Variants in MMP20 observed in about 807,000 individuals in gnomAD.
MMP20 encodes matrix metalloproteinase-20.
In MMP20, 50 loss-of-function variants were observed where a neutral mutation model predicts 51.8. That is an observed-to-expected ratio of 0.97 (90% CI 0.77 to 1.22). The LOEUF is 1.22. Ranked by LOEUF, MMP20 falls within the 50% of genes most tolerant of loss-of-function variation. The probability of loss-of-function intolerance (pLI) is 0.00; values close to 1 mark genes in which losing one functional copy is unlikely to be tolerated. For synonymous variants in MMP20, 244 were observed against 216.2 expected, an observed-to-expected ratio of 1.13 and a Z score of -1.13; for missense variants, 663 against 601.4, an observed-to-expected ratio of 1.10 and a Z score of -1.07.
Position 102,598,687 on chromosome 11 carries a change from C to T in MMP20, c.954-3930G>A, listed in dbSNP as rs1048288227. Among the ~76,000 whole-genome samples the T allele has an allele frequency of 2.0e-5, 3 of 152,206 alleles. 1 individual carries two copies. Among genetic ancestry groups the T allele is most frequent in the African/African-American group, 7.2e-5 (3 of 41,450 alleles). ...CAGCTCTTTGCTAGTTCCTTGAATT[C>T]CTCCTCCAGCATCATGTATTATTCA... On this transcript the variant is annotated intron_variant, in intron 6 of 9. Coordinates refer to ENST00000260228, the MANE Select transcript of MMP20 (RefSeq NM_004771.4).
chr11:102,595,869 G>C (rs1021769774), intron 6 of MMP20, among the ~76,000 whole-genome samples: 22 of 152,152 alleles, frequency 1.4e-4, no homozygotes, highest in African/African-American at 5.3e-4. Context: ...CTTCTTAGGA[G>C]CCCAGAATTA....
chr11:102,593,773 C>T (rs937121130), intron 7 of MMP20, among the ~76,000 whole-genome samples, 178 bp from the exon 8 acceptor site: 2 of 152,124 alleles, frequency 1.3e-5, no homozygotes, highest in African/African-American at 4.8e-5. Context: ...CTTCAAACTT[C>T]CCTGGAGGCA....
intron 6 of MMP20, among the ~76,000 whole-genome samples, chr11:102,595,437 C>G (rs1466225661): frequency 6.6e-6 from 1 of 152,154 alleles, no homozygotes. Flanking sequence ...TCACTTGATA[C>G]AAATTTCTCT....
chr11:102,592,272 T>C (rs1859326510), intron 8 of MMP20, among the ~76,000 whole-genome samples: 1 of 152,158 alleles, frequency 6.6e-6, no homozygotes, highest in African/African-American at 2.4e-5. Context: ...GAGAGAAAAA[T>C]AGCTGGCCTA....
Position 102,609,942 on chromosome 11 carries a change from A to T in MMP20, c.612T>A (p.His204Gln). Residue 204 changes from histidine (H) to glutamine (Q), a missense_variant, in exon 4 of 10, where the codon CAT becomes CAA. His to Gln is a conservative substitution (Grantham distance 24, BLOSUM62 0). Transcript: ENST00000260228. ...TAGTCCACTTCTCAGCATTGTCGAAATGTGTATCTCCTCCCAGGCCTTCTC... is the reference window on the plus strand; with the variant it reads ...TAGTCCACTTCTCAGCATTGTCGAATTGTGTATCTCCTCCCAGGCCTTCTC... ...APGEGLGGDT[H>Q]FDNAEKWTMG... is the part of the protein sequence containing the mutation. The T allele has an allele frequency of 6.2e-7, 1 of 1,614,160 alleles. No homozygotes were observed. The highest frequency in any genetic ancestry group is 8.5e-7 in the Non-Finnish European group (1 of 1,180,024).
At position 102,606,535 on chromosome 11, in the gene MMP20, C is replaced by A. The variant is rs778278609; in HGVS notation, c.953G>T (p.Arg318Leu). 4.3e-6 allele frequency: 7 copies of A among 1,613,672 alleles called. No individual in the cohort carries two copies. The South Asian group carries it at 5.5e-5, about 13-fold the overall frequency. Reference sequence around the variant, plus strand: ...AGTCGGTGGCGTGTCTGAGGCTTACCGGTCCTTGAAGAGCAGGAGCTCCTT... The same window carrying A: ...AGTCGGTGGCGTGTCTGAGGCTTACAGGTCCTTGAAGAGCAGGAGCTCCTT... Reference protein sequence around the residue: ...LGKELLLFKDRIFWRRQVHLR... With the variant: ...LGKELLLFKDLIFWRRQVHLR... Residue 318 changes from arginine (R) to leucine (L), a missense_variant and splice_region_variant, in exon 6 of 10, where the codon CGG (arginine) becomes CTG (leucine). Physicochemically the swap from Arg to Leu is moderately radical, Grantham distance 102. Coordinates refer to ENST00000260228, the MANE Select transcript of MMP20 (RefSeq NM_004771.4).
Position 102,618,868 on chromosome 11 carries a change from T to C in MMP20, c.127-1809A>G, listed in dbSNP as rs1046847063. Among the ~76,000 whole-genome samples the C allele has an allele frequency of 7.9e-5, 12 of 152,144 alleles. No individual in the cohort carries two copies. The South Asian group carries it at 1.0e-3, about 13-fold the overall frequency. Reference sequence around the variant, plus strand: ...AATAAAAAGGAGTAAGTATCACTCATGTTTGGAGAGGGTACGCTATTTTTT... The same window carrying C: ...AATAAAAAGGAGTAAGTATCACTCACGTTTGGAGAGGGTACGCTATTTTTT... On this transcript the variant is annotated intron_variant, in intron 1 of 9. Transcript: ENST00000260228.
chr11:102,606,164 A>T (rs117868039), intron 6 of MMP20, among the ~76,000 whole-genome samples: 8 of 152,352 alleles, frequency 5.3e-5, no homozygotes, highest in Non-Finnish European at 1.2e-4. Flanking sequence ...TGGACATCAG[A>T]TCAATTCAGG....
intron 8 of MMP20, among the ~76,000 whole-genome samples, chr11:102,586,565 G>T (rs991792489): frequency 2.4e-4 from 36 of 152,032 alleles, no homozygotes; most frequent in Non-Finnish European, 2.2e-4. Context: ...TGTAATCCCA[G>T]CATTTTGTGA....
intron 9 of MMP20, among the ~76,000 whole-genome samples, chr11:102,578,292 T>C (rs1859150182): frequency 1.3e-5 from 2 of 149,498 alleles, no homozygotes; most frequent in Admixed American, 1.3e-4. Context: ...TACAGGTGTG[T>C]GCCATCATTC....
chr11:102,619,929 A>T (rs911787337), intron 1 of MMP20, among the ~76,000 whole-genome samples: 2 of 152,220 alleles, frequency 1.3e-5, no homozygotes, highest in Non-Finnish European at 2.9e-5. Context: ...AGTAAAAATA[A>T]AATTAGAAAC....
chr11:102,621,940 A>G (rs1199388681), intron 1 of MMP20, among the ~76,000 whole-genome samples: 2 of 152,240 alleles, frequency 1.3e-5, no homozygotes, highest in African/African-American at 2.4e-5. Flanking sequence ...ATAATGTGGT[A>G]GTTAAAATTT....
At chr11:102,581,891 G>T (rs1859199914) in intron 8 of MMP20, among the ~76,000 whole-genome samples, 1 of 152,144 alleles carries the variant, frequency 6.6e-6, no homozygotes, top group South Asian at 2.1e-4. Context: ...TTTTTATTGA[G>T]AATCAACTAT....
rs150176497 is a variant in MMP20 at position 102,616,515 on chromosome 11, G to A, written c.374+297C>T. ...TAAGCAGGTTGTTTTAAGAAAACTG[G>A]TTTGTACTGCCAGGTCATTAATCCT... is the stretch of plus-strand genomic sequence containing the variant. On this transcript the variant is annotated intron_variant, in intron 2 of 9. Transcript: ENST00000260228. Among the ~76,000 whole-genome samples, 161 of 152,236 alleles carry A rather than the reference G, an allele frequency of 1.1e-3. 4 individuals carry two copies. In the East Asian group the frequency reaches 0.023, roughly 22 times the overall value.
chr11:102,622,992 C>T (rs1267286071), intron 1 of MMP20, among the ~76,000 whole-genome samples: 1 of 152,166 alleles, frequency 6.6e-6, no homozygotes. Flanking sequence ...CTGCCCAGAG[C>T]TGAGGACCAG....
chr11:102,619,886 T>C (rs1457271899), intron 1 of MMP20, among the ~76,000 whole-genome samples: 3 of 152,184 alleles, frequency 2.0e-5, no homozygotes, highest in Non-Finnish European at 2.9e-5. Flanking sequence ...TGGCTGGTCA[T>C]ATAGGCAGGA....
chr11:102,598,655 C>T (rs1859411093), intron 6 of MMP20, among the ~76,000 whole-genome samples: 1 of 152,220 alleles, frequency 6.6e-6, no homozygotes, highest in South Asian at 2.1e-4. Flanking sequence ...TTTCACCTGG[C>T]CTCTTGCAGC....
At position 102,583,262 on chromosome 11, in the gene MMP20, C is replaced by T. The variant is rs116086265; in HGVS notation, c.1248-4120G>A. Among the ~76,000 whole-genome samples, 985 of 152,268 alleles carry T rather than the reference C, an allele frequency of 6.5e-3. 11 individuals carry two copies. Among genetic ancestry groups the T allele is most frequent in the African/African-American group, 0.023 (945 of 41,556 alleles). Reference sequence around the variant, plus strand: ...AGAACAATCAAATCTACCCCAACTCCCAAACCCATCATCTCTGGCAGAATT... The same window carrying T: ...AGAACAATCAAATCTACCCCAACTCTCAAACCCATCATCTCTGGCAGAATT... On this transcript the variant is annotated intron_variant, in intron 8 of 9. Transcript: ENST00000260228.
intron 8 of MMP20, among the ~76,000 whole-genome samples, chr11:102,584,552 C>T (rs1338829208): frequency 1.3e-5 from 2 of 152,166 alleles, no homozygotes; most frequent in African/African-American, 2.4e-5. Flanking sequence ...GACTTACAAA[C>T]ATTTCTTCCC....
Sources: gnomAD v4.1 joint callset for allele counts (sites outside exome capture counted in the v4.1 genomes callset) on GRCh38, gnomAD v4.1.1 for gene constraint, MANE v1.5 for transcripts, NCBI Gene and HGNC (gene_info 2026-07-23, HGNC 2026-07-21) for gene names.